Variants in LBP observed in about 807,000 individuals in gnomAD.
The protein encoded by LBP is lipopolysaccharide binding protein.
In LBP, 53 loss-of-function variants were observed where a neutral mutation model predicts 56.6. The observed-to-expected ratio is 0.94, with a 90% CI of 0.75 to 1.18. The LOEUF (loss-of-function observed/expected upper bound fraction) is 1.18, where lower values mean the gene tolerates loss of function less well. Ranked by LOEUF, LBP falls within the 50% of genes most tolerant of loss-of-function variation. LBP has a pLI of 0.00. For missense variants in LBP, 601 were observed against 598.3 expected, an observed-to-expected ratio of 1.00 and a Z score of -0.05; for synonymous variants, 227 against 247.5, an observed-to-expected ratio of 0.92 and a Z score of 0.78.
chr20:38,373,856 C>T lies in LBP; in HGVS notation c.1325-81C>T. 4 of 1,210,548 alleles carry T rather than the reference C, an allele frequency of 3.3e-6. No homozygotes were observed. In the Admixed American group the frequency reaches 6.8e-5, roughly 21 times the overall value. 75.0% of individuals were successfully genotyped at this position (1,210,548 alleles called of 1,614,324 possible). The stretch of plus-strand genomic sequence containing the variant: ...GGGAATATACTGAATATAGAGTTTG[C>T]AGAGAACATTTTCGGTAAAAATCTG... On this transcript the variant is annotated intron_variant, in intron 13 of 14. Transcript: ENST00000217407.
chr20:38,357,156 G>A (rs909834302), intron 5 of LBP, among the ~76,000 whole-genome samples: 1 of 152,208 alleles, frequency 6.6e-6, no homozygotes, highest in South Asian at 2.1e-4. Flanking sequence ...CACCCAGCCA[G>A]TCCCATTGGA....
Position 38,349,598 on chromosome 20 carries a change from C to A in LBP, c.175C>A (p.Leu59Met). 1 of 1,612,050 alleles carries A rather than the reference C, an allele frequency of 6.2e-7. No homozygotes were observed. Among genetic ancestry groups the A allele is most frequent in the Non-Finnish European group, 8.5e-7 (1 of 1,179,366 alleles). The change falls in exon 2 of 15, where the codon CTG (leucine) becomes ATG (methionine). Residue 59 changes from leucine to methionine, a missense_variant. By Grantham distance (15) the Leu-to-Met change is conservative (BLOSUM62 2). Coordinates refer to ENST00000217407, the MANE Select transcript of LBP (RefSeq NM_004139.5). ...GCAGAGTGAGCTGCTCAGGATCACGCTGCCTGACTTCACCGGGGACTTGAG... is the reference window on the plus strand; with the variant it reads ...GCAGAGTGAGCTGCTCAGGATCACGATGCCTGACTTCACCGGGGACTTGAG... ...ALQSELLRIT[L>M]PDFTGDLRIP...
At chr20:38,355,754 G>A (rs2076836634) in intron 5 of LBP, among the ~76,000 whole-genome samples, 1 of 152,052 alleles carries the variant, frequency 6.6e-6, no homozygotes, top group African/African-American at 2.4e-5. Context: ...CATTCCTCAG[G>A]CGCCTGCAAG....
intron 8 of LBP, among the ~76,000 whole-genome samples, chr20:38,365,343 G>A (rs2076876849): frequency 6.6e-6 from 1 of 151,072 alleles, no homozygotes; most frequent in South Asian, 2.1e-4. Flanking sequence ...GTCTAGACTT[G>A]TTAGTCTAAT....
chr20:38,376,984 G>T lies in LBP; in HGVS notation c.*315G>T. ...CCTAGCAGAGTGCTGGCACTTAGTA[G>T]GTCCTCAATAAATATTTATTAAATG... On this transcript the variant is annotated 3_prime_UTR_variant, in exon 15 of 15. Coordinates refer to ENST00000217407, the MANE Select transcript of LBP (RefSeq NM_004139.5). 1 of 525,588 alleles carries T rather than the reference G, an allele frequency of 1.9e-6. No homozygotes were observed. Among genetic ancestry groups the T allele is most frequent in the Non-Finnish European group, 3.7e-6 (1 of 272,484 alleles). The allele number at this position is 525,588 out of a possible 1,614,324, so 32.6% of individuals were successfully genotyped here. A position where few individuals can be genotyped will look rare whatever the true frequency, so the allele number is the denominator to read the frequency against.
chr20:38,359,165 G>T (rs996386640), intron 5 of LBP, among the ~76,000 whole-genome samples: 5 of 151,998 alleles, frequency 3.3e-5, no homozygotes, highest in African/African-American at 4.8e-5. Flanking sequence ...ATTTTCTGTT[G>T]TCTGTTCCAA....
At chr20:38,370,471 G>A (rs1342626356) in intron 10 of LBP, among the ~76,000 whole-genome samples, 1 of 152,220 alleles carries the variant, frequency 6.6e-6, no homozygotes, top group Non-Finnish European at 1.5e-5. Context: ...CCAAGGGTAG[G>A]TACTCTATAC....
In LBP at chr20:38,364,630, A is replaced by G. The variant is rs2076874259; in HGVS notation, c.799A>G (p.Met267Val). 6.2e-7 allele frequency: 1 copy of G among 1,614,034 alleles called. No homozygotes were observed. Among genetic ancestry groups the G allele is most frequent in the South Asian group, 1.1e-5 (1 of 91,086 alleles). Reference sequence around the variant, plus strand: ...TCCAGTTACCCTCCTTGCTGCAGTCATGAGCCTTCCTGAGGAACACAACAA... The same window carrying G: ...TCCAGTTACCCTCCTTGCTGCAGTCGTGAGCCTTCCTGAGGAACACAACAA... ...RSPVTLLAAV[M>V]SLPEEHNKMV... is the part of the protein sequence containing the mutation. The change falls in exon 8 of 15, where the codon ATG becomes GTG. Residue 267 changes from methionine to valine, a missense_variant. By Grantham distance (21) the Met-to-Val change is conservative. Coordinates refer to ENST00000217407, the MANE Select transcript of LBP (RefSeq NM_004139.5).
At chr20:38,374,500 G>A (rs150336969) in intron 14 of LBP, among the ~76,000 whole-genome samples, 1,962 of 151,540 alleles carry the variant, frequency 0.013, 18 homozygotes, top group Non-Finnish European at 0.017. Flanking sequence ...AGGAGGCTGA[G>A]GCAGGAGAAT....
chr20:38,347,177 A>T (rs2076803993), intron 1 of LBP, among the ~76,000 whole-genome samples: 1 of 152,218 alleles, frequency 6.6e-6, no homozygotes, highest in Non-Finnish European at 1.5e-5. Context: ...CTGTATAAAC[A>T]TTAAAAATTA....
intron 14 of LBP, among the ~76,000 whole-genome samples, chr20:38,376,040 T>C (rs2083956864): frequency 6.6e-6 from 1 of 152,230 alleles, no homozygotes; most frequent in Non-Finnish European, 1.5e-5. Context: ...AGTTTTCTCC[T>C]CTGTAAAACG....
Position 38,369,110 on chromosome 20 carries a change from C to T in LBP, c.1097C>T (p.Ala366Val), listed in dbSNP as rs376053475. The change falls in exon 10 of 15, where the codon GCC becomes GTC. Residue 366 changes from alanine to valine, a missense_variant. Physicochemically the swap from Ala to Val is moderately conservative, Grantham distance 64. Coordinates refer to ENST00000217407, the MANE Select transcript of LBP (RefSeq NM_004139.5). ...GTGGACCCCTATATGGAGATAGATG[C>T]CTTTGTGCTCCTGCCCAGCTCCAGC... is the stretch of plus-strand genomic sequence containing the variant. ...LSVDPYMEID[A>V]FVLLPSSSKE... 124 of 1,614,160 alleles carry T rather than the reference C, an allele frequency of 7.7e-5. No individual in the cohort carries two copies. The highest frequency in any genetic ancestry group is 6.4e-4 in the South Asian group (58 of 91,082).
At chr20:38,347,617 C>A (rs2076805467) in intron 1 of LBP, among the ~76,000 whole-genome samples, 1 of 152,042 alleles carries the variant, frequency 6.6e-6, no homozygotes, top group South Asian at 2.1e-4. Flanking sequence ...AACAAAGCCT[C>A]CCGACTATCC....
At position 38,365,172 on chromosome 20, in the gene LBP, T is replaced by C. The variant is rs535512709; in HGVS notation, c.921+420T>C. ...ATCGCTTGAACCCAGGAGGTGGAGG[T>C]TGCAGTGAGCCAAGATCATGCCACT... On this transcript the variant is annotated intron_variant, in intron 8 of 14. Transcript: ENST00000217407. Among the ~76,000 whole-genome samples the C allele has an allele frequency of 4.2e-5, 6 of 143,954 alleles. No individual in the cohort carries two copies. The South Asian group carries it at 1.3e-3, about 32-fold the overall frequency. The allele number at this position is 143,954 out of a possible 152,430, so 94.4% of individuals were successfully genotyped here. A position where few individuals can be genotyped will look rare whatever the true frequency, so the allele number is the denominator to read the frequency against.
Position 38,349,668 on chromosome 20 carries a change from G to T in LBP, c.239+6G>T. 6.4e-7 allele frequency: 1 copy of T among 1,573,832 alleles called. No individual in the cohort carries two copies. The highest frequency in any genetic ancestry group is 8.7e-7 in the Non-Finnish European group (1 of 1,152,028). ...GGGCGCTATGAGTTCCACAGGTGGG[G>T]CTCTCCCTTCTGCTGCGGCTCTGAA... is the stretch of plus-strand genomic sequence containing the variant. On this transcript the variant is annotated splice_donor_region_variant and intron_variant, in intron 2 of 14. Transcript: ENST00000217407.
chr20:38,365,710 AAAAAAAAATATATATATAT>A (rs1388826101), intron 8 of LBP, among the ~76,000 whole-genome samples: 3 of 42,786 alleles, frequency 7.0e-5, no homozygotes, highest in South Asian at 7.6e-4. Context: ...AAAAAAAAAA[AAAAAAAAATATATATATAT>A]ATATATATAT....
chr20:38,371,645 T>C (rs530959521), intron 12 of LBP, among the ~76,000 whole-genome samples: 36 of 152,234 alleles, frequency 2.4e-4, no homozygotes, highest in African/African-American at 8.4e-4. Context: ...ACGAAAAAAC[T>C]AAGACCAGAG....
At chr20:38,361,627 A>T (rs2076860487) in intron 6 of LBP, among the ~76,000 whole-genome samples, 1 of 151,144 alleles carries the variant, frequency 6.6e-6, no homozygotes, top group Non-Finnish European at 1.5e-5. Context: ...CTGGTCTCGA[A>T]CTCCTGGGCT....
rs541936819 is a variant in LBP, at chr20:38,376,815, C to T, written c.*146C>T. 184 of 807,654 alleles carry T rather than the reference C, an allele frequency of 2.3e-4. 2 individuals are homozygous for T. The highest frequency in any genetic ancestry group is 1.8e-3 in the Middle Eastern group (8 of 4,518). The allele number at this position is 807,654 out of a possible 1,614,324, so 50.0% of individuals were successfully genotyped here. The stretch of plus-strand genomic sequence containing the variant: ...AGGTGTGCCTGGCCTCTGCCTCCAC[C>T]CTCCTCCTCTTCACCAGGTGCATGC... On this transcript the variant is annotated 3_prime_UTR_variant, in exon 15 of 15. Transcript: ENST00000217407.
Sources: allele counts gnomAD v4.1 joint callset (sites outside exome capture counted in the v4.1 genomes callset), GRCh38; gene constraint gnomAD v4.1.1; transcripts MANE v1.5; gene names NCBI Gene and HGNC (gene_info 2026-07-23, HGNC 2026-07-21).